Variants in CCBE1 observed in about 807,000 individuals in gnomAD.
The protein encoded by CCBE1 is collagen and calcium-binding EGF domain-containing protein 1.
Under a neutral mutation model 50.0 loss-of-function variants are expected in CCBE1, and 37 were observed. The ratio of observed to expected loss-of-function variants is 0.74; its 90% confidence interval spans 0.57 to 0.97. The LOEUF is 0.97. Ranked by LOEUF, CCBE1 falls within the 50% of genes least tolerant of loss-of-function variation. The pLI is 0.00. For missense variants in CCBE1, 538 were observed against 523.8 expected (o/e 1.03, Z -0.26); for synonymous variants, 234 against 203.7 (o/e 1.15, Z -1.27).
intron 9 of CCBE1, among the ~76,000 whole-genome samples, chr18:59,438,750 A>G (rs538970231): frequency 1.3e-5 from 2 of 152,208 alleles, no homozygotes; most frequent in Non-Finnish European, 2.9e-5. Flanking sequence ...GCTTTGGGGA[A>G]AAAGTTCTAT....
intron 2 of CCBE1, among the ~76,000 whole-genome samples, chr18:59,689,306 C>T (rs1329352740): frequency 1.3e-5 from 2 of 152,216 alleles, no homozygotes; most frequent in Non-Finnish European, 2.9e-5. Context: ...AATAGAATGT[C>T]CCACAGGAGT....
intron 2 of CCBE1, among the ~76,000 whole-genome samples, chr18:59,522,039 A>G (rs1281169004): frequency 6.6e-6 from 1 of 151,762 alleles, no homozygotes; most frequent in Non-Finnish European, 1.5e-5. Flanking sequence ...TGAATTATAA[A>G]TCTTTTCTAT....
chr18:59,542,518 G>A (rs1222826236), intron 2 of CCBE1, among the ~76,000 whole-genome samples: 1 of 152,164 alleles, frequency 6.6e-6, no homozygotes, highest in African/African-American at 2.4e-5. Flanking sequence ...TAATAGATCA[G>A]AAGAAGTGAT....
rs745425996 is a variant in CCBE1, at chr18:59,480,193, G to C, written c.258C>G (p.Ile86Met). ...CTTTTTTATATTACATACCTTCTGG[G>C]ATGCATTGTCCAAGAACAAATTTAT... ...KGYKFVLGQC[I>M]PEDYDVCAEA... The change falls in exon 3 of 11, where the codon ATC becomes ATG. Residue 86 changes from isoleucine to methionine, a missense_variant. Ile to Met is a conservative substitution (Grantham distance 10, BLOSUM62 1). Coordinates refer to ENST00000439986, the MANE Select transcript of CCBE1 (RefSeq NM_133459.4). 3 of 1,588,780 alleles carry C rather than the reference G, an allele frequency of 1.9e-6. No individual in the cohort carries two copies. Among genetic ancestry groups the C allele is most frequent in the Admixed American group, 1.7e-5 (1 of 59,938 alleles).
chr18:59,450,056 T>C (rs900476722), intron 6 of CCBE1, among the ~76,000 whole-genome samples: 1 of 152,150 alleles, frequency 6.6e-6, no homozygotes, highest in Non-Finnish European at 1.5e-5. Context: ...CAGCAGACGA[T>C]GGGCTGTGGG....
At chr18:59,559,445 G>GC (rs2052702649) in intron 2 of CCBE1, among the ~76,000 whole-genome samples, 1 of 152,200 alleles carries the variant, frequency 6.6e-6, no homozygotes, top group Non-Finnish European at 1.5e-5. Flanking sequence ...CCCGTGCCCC[G>GC]CCAAGTTGTG....
chr18:59,448,711 G>A (rs1910796530), intron 6 of CCBE1, among the ~76,000 whole-genome samples: 1 of 152,218 alleles, frequency 6.6e-6, no homozygotes. Flanking sequence ...ATATACACAT[G>A]TATCCCATTA....
At chr18:59,609,643 C>G (rs1273707340) in intron 2 of CCBE1, among the ~76,000 whole-genome samples, 1 of 152,208 alleles carries the variant, frequency 6.6e-6, no homozygotes, top group East Asian at 1.9e-4. Flanking sequence ...CTAGTTTACT[C>G]TAAAAGTATC....
At chr18:59,441,381 G>T (rs1035256783) in intron 7 of CCBE1, among the ~76,000 whole-genome samples, 1 of 151,744 alleles carries the variant, frequency 6.6e-6, no homozygotes, top group Non-Finnish European at 1.5e-5. Context: ...GTGGTGGTGG[G>T]TACCTGTAAT....
At chr18:59,616,821 C>A (rs143650030) in intron 2 of CCBE1, among the ~76,000 whole-genome samples, 1 of 152,180 alleles carries the variant, frequency 6.6e-6, no homozygotes, top group African/African-American at 2.4e-5. Flanking sequence ...AATTTCAAAG[C>A]CTGTTCGGAC....
intron 2 of CCBE1, among the ~76,000 whole-genome samples, chr18:59,533,427 G>T (rs900118953): frequency 6.6e-6 from 1 of 152,086 alleles, no homozygotes; most frequent in African/African-American, 2.4e-5. Context: ...TAAAAATAGA[G>T]ATTATAAAGA....
At chr18:59,668,191 G>C (rs978027339) in intron 2 of CCBE1, among the ~76,000 whole-genome samples, 1 of 152,042 alleles carries the variant, frequency 6.6e-6, no homozygotes, top group African/African-American at 2.4e-5. Flanking sequence ...AGGCTGAGGC[G>C]GGTGGATCAC....
intron 2 of CCBE1, among the ~76,000 whole-genome samples, chr18:59,576,629 C>T (rs922411673): frequency 6.6e-6 from 1 of 152,168 alleles, no homozygotes; most frequent in African/African-American, 2.4e-5. Flanking sequence ...TTTGCTGCCT[C>T]CCCTACAACA....
At chr18:59,592,391 T>C (rs1285245582) in intron 2 of CCBE1, among the ~76,000 whole-genome samples, 2 of 152,204 alleles carry the variant, frequency 1.3e-5, no homozygotes, top group Admixed American at 1.3e-4. Flanking sequence ...TCTAAAACTT[T>C]TCTGGTTCTA....
At chr18:59,436,641 C>T (rs893929944) in intron 10 of CCBE1, among the ~76,000 whole-genome samples, 4 of 152,134 alleles carry the variant, frequency 2.6e-5, no homozygotes, top group Non-Finnish European at 4.4e-5. Flanking sequence ...CAAGTAAATA[C>T]GTGTAAAGGG....
chr18:59,611,105 C>A (rs2053563365), intron 2 of CCBE1, among the ~76,000 whole-genome samples: 1 of 152,206 alleles, frequency 6.6e-6, no homozygotes, highest in Non-Finnish European at 1.5e-5. Context: ...AGCTCCACAC[C>A]TGCATGGTTC....
intron 5 of CCBE1, among the ~76,000 whole-genome samples, chr18:59,461,275 G>C (rs560170993): frequency 4.0e-5 from 6 of 148,896 alleles, no homozygotes; most frequent in East Asian, 2.0e-4. Context: ...CCCTTGCTGG[G>C]CCACACTGCT....
chr18:59,633,180 A>T (rs973128087), intron 2 of CCBE1, among the ~76,000 whole-genome samples: 2 of 152,232 alleles, frequency 1.3e-5, no homozygotes, highest in African/African-American at 4.8e-5. Context: ...GCAAGTTTGA[A>T]GCAGTGAAGC....
intron 3 of CCBE1, among the ~76,000 whole-genome samples, chr18:59,470,356 T>C (rs1051187436): frequency 2.0e-5 from 3 of 151,826 alleles, no homozygotes; most frequent in African/African-American, 7.3e-5. Context: ...TCCCACCAGG[T>C]CCCTCCCATG....
Sources: allele counts gnomAD v4.1 joint callset (sites outside exome capture counted in the v4.1 genomes callset), GRCh38; gene constraint gnomAD v4.1.1; transcripts MANE v1.5; gene names NCBI Gene and HGNC (gene_info 2026-07-23, HGNC 2026-07-21).